The following CC2D2A variants were observed in gnomAD, a reference collection of about 807,000 sequenced individuals.
CC2D2A encodes the protein coiled-coil and C2 domain-containing protein 2A.
In CC2D2A, 155 loss-of-function variants were observed where a neutral mutation model predicts 212.9. That is an observed-to-expected ratio of 0.73 (90% confidence interval 0.64 to 0.83). CC2D2A has a LOEUF of 0.83. CC2D2A is among the 40% of genes least tolerant of loss of function. The pLI is 0.00. For synonymous variants in CC2D2A, 667 were observed against 686.5 expected (o/e 0.97, Z 0.44); for missense variants, 1,856 against 1,956.2 (o/e 0.95, Z 0.97).
chr4:15,485,738 G>C (rs116755101), intron 4 of CC2D2A, among the ~76,000 whole-genome samples: 1 of 151,984 alleles, frequency 6.6e-6, no homozygotes, highest in East Asian at 1.9e-4. Context: ...GAGCATTTTT[G>C]CGTATACCTG....
Position 15,574,178 on chromosome 4 carries a change from C to G in CC2D2A, c.3623C>G (p.Pro1208Arg). 6.5e-7 allele frequency: 1 copy of G among 1,548,510 alleles called. No individual in the cohort carries two copies. Among genetic ancestry groups the G allele is most frequent in the East Asian group, 2.4e-5 (1 of 40,850 alleles). Residue 1208 changes from proline to arginine, a missense_variant, in exon 29 of 37, where the codon CCC becomes CGC. This residue lies in a region of CC2D2A where 1,512 missense variants were observed against 1,579.3 expected (regional missense o/e 0.96). Coordinates refer to ENST00000424120, the MANE Select transcript of CC2D2A (RefSeq NM_001378615.1). ...GATGGAACATTTAAAATAGATATTC[C>G]CCCAGTTCTTCTGGGCTACAGTAAG... is the stretch of plus-strand genomic sequence containing the variant. ...RIDGTFKIDI[P>R]PVLLGYSKER... is the part of the protein sequence containing the mutation.
At chr4:15,534,393 T>C (rs1006315009) in intron 14 of CC2D2A, among the ~76,000 whole-genome samples, 7 of 152,248 alleles carry the variant, frequency 4.6e-5, no homozygotes, top group South Asian at 4.1e-4. Flanking sequence ...CTGAGTCATA[T>C]AGATATTCTA....
chr4:15,538,664 T>A (rs924681495), intron 16 of CC2D2A, among the ~76,000 whole-genome samples: 3 of 152,218 alleles, frequency 2.0e-5, no homozygotes, highest in African/African-American at 7.2e-5. Context: ...CCTCCAGATA[T>A]GATAAAAATA....
Position 15,597,376 on chromosome 4 carries a change from T to C in CC2D2A, c.4438-31T>C, listed in dbSNP as rs147005127. 696 of 1,501,162 alleles carry C rather than the reference T, an allele frequency of 4.6e-4. 6 individuals carry two copies. The East Asian group carries it at 9.2e-3, about 20-fold the overall frequency. The allele number at this position is 1,501,162 out of a possible 1,614,324, so 93.0% of individuals were successfully genotyped here. A position where few individuals can be genotyped will look rare whatever the true frequency, so the allele number is the denominator to read the frequency against. On this transcript the variant is annotated intron_variant, in intron 34 of 36. Transcript: ENST00000424120. ...GTTCAAATTAACTGTAGGTGATTTT[T>C]ATACTTTCTGAACTATTTTCTCTTC...
chr4:15,514,625 T>G, intron 8 of CC2D2A, 82 bp from the exon 9 acceptor site: 3 of 1,068,136 alleles, frequency 2.8e-6, no homozygotes, highest in Non-Finnish European at 3.9e-6. Context: ...ATGTTAAGTT[T>G]CATGAGTTTG....
chr4:15,578,350 G>T (rs991172103), intron 29 of CC2D2A, among the ~76,000 whole-genome samples: 1 of 152,194 alleles, frequency 6.6e-6, no homozygotes, highest in African/African-American at 2.4e-5. Context: ...ATCTGGAATA[G>T]AAGCCACAGT....
In CC2D2A at chr4:15,599,680, C is replaced by T. The variant is rs199861496; in HGVS notation, c.4648C>T (p.Leu1550=). ...TGTAGAAGATGACCACAGAGCAGAACTGCTAAAACAGCTGGGAGACTACAG... is the reference window on the plus strand; with the variant it reads ...TGTAGAAGATGACCACAGAGCAGAATTGCTAAAACAGCTGGGAGACTACAG... ...EDVEDDHRAE[L]LKQLGDYRFS... is the part of the protein sequence containing the mutation. The change falls in exon 36 of 37, where the codon CTG becomes TTG. Residue 1550 remains leucine (L), a synonymous_variant. Transcript: ENST00000424120. 9.4e-5 allele frequency: 151 copies of T among 1,612,206 alleles called. No homozygotes were observed. The African/African-American group carries it at 1.7e-3, about 19-fold the overall frequency.
Position 15,555,136 on chromosome 4 carries a change from T to C in CC2D2A, c.2551T>C (p.Leu851=), listed in dbSNP as rs1173794822. The change falls in exon 20 of 37, where the codon TTG becomes CTG. Residue 851 remains leucine, a synonymous_variant. Transcript: ENST00000424120. Reference sequence around the variant, plus strand: ...ATCAGGACTGACAGACATGAAAAAATTGGCCAAGTGGGCAGCAGAGTCCAA... The same window carrying C: ...ATCAGGACTGACAGACATGAAAAAACTGGCCAAGTGGGCAGCAGAGTCCAA... ...GTSGLTDMKK[L]AKWAAESKLD... is the part of the protein sequence containing the mutation. 2.0e-5 allele frequency: 32 copies of C among 1,613,662 alleles called. No individual in the cohort carries two copies. Among genetic ancestry groups the C allele is most frequent in the Non-Finnish European group, 2.7e-5 (32 of 1,179,780 alleles).
At chr4:15,483,471 C>T (rs532098310) in intron 4 of CC2D2A, among the ~76,000 whole-genome samples, 1 of 152,174 alleles carries the variant, frequency 6.6e-6, no homozygotes, top group Non-Finnish European at 1.5e-5. Flanking sequence ...ACCTATCAGT[C>T]CTTTCGACAT....
chr4:15,486,723 T>C (rs1240387673), intron 4 of CC2D2A, among the ~76,000 whole-genome samples: 1 of 152,010 alleles, frequency 6.6e-6, no homozygotes, highest in African/African-American at 2.4e-5. Flanking sequence ...TGATTTTCTG[T>C]TTCTTTAAGA....
chr4:15,556,786 G>C (rs938089123), intron 20 of CC2D2A, among the ~76,000 whole-genome samples: 1 of 152,208 alleles, frequency 6.6e-6, no homozygotes, highest in African/African-American at 2.4e-5. Flanking sequence ...AGGCTGGCTG[G>C]GCTGGATCCA....
At chr4:15,530,973 T>C (rs1197677979) in intron 13 of CC2D2A, among the ~76,000 whole-genome samples, 1 of 152,214 alleles carries the variant, frequency 6.6e-6, no homozygotes, top group East Asian at 1.9e-4. Context: ...TGAATGGTCA[T>C]GCAACATAGG....
chr4:15,549,214 G>C (rs564867688), intron 17 of CC2D2A, among the ~76,000 whole-genome samples: 4 of 152,140 alleles, frequency 2.6e-5, no homozygotes, highest in African/African-American at 9.7e-5. Flanking sequence ...TGCATTATAT[G>C]TGTTTGAAAT....
intron 33 of CC2D2A, among the ~76,000 whole-genome samples, chr4:15,590,643 C>G (rs113874712): frequency 3.9e-5 from 6 of 152,284 alleles, no homozygotes; most frequent in African/African-American, 1.4e-4. Flanking sequence ...ATGGAGGTAA[C>G]AGTAAAGTCA....
intron 26 of CC2D2A, 58 bp from the exon 27 acceptor site, chr4:15,569,235 T>A: frequency 1.1e-6 from 1 of 903,392 alleles, no homozygotes; most frequent in Non-Finnish European, 1.8e-6. Context: ...GACATTTGAA[T>A]GCTCATAATT....
In CC2D2A at chr4:15,489,218, T is replaced by C. The variant is rs182662831; in HGVS notation, c.247+8391T>C. Among the ~76,000 whole-genome samples the C allele has an allele frequency of 2.1e-3, 324 of 152,316 alleles. 3 individuals are homozygous for C. The highest frequency in any genetic ancestry group is 7.3e-3 in the African/African-American group (304 of 41,566). ...CAAATGAAAGGAAATAAAGTGTTTA[T>C]TTTAGGCATACTTTTTAAAAGTCAT... On this transcript the variant is annotated intron_variant, in intron 4 of 36. Coordinates refer to ENST00000424120, the MANE Select transcript of CC2D2A (RefSeq NM_001378615.1).
At chr4:15,541,173 G>T (rs1487861437) in intron 17 of CC2D2A, among the ~76,000 whole-genome samples, 159 bp downstream of exon 17, 3 of 151,800 alleles carry the variant, frequency 2.0e-5, no homozygotes, top group African/African-American at 7.3e-5. Context: ...AAAAAAATTA[G>T]CCAAGTGTGC....
chr4:15,594,266 C>T, intron 33 of CC2D2A, among the ~76,000 whole-genome samples: 1 of 152,142 alleles, frequency 6.6e-6, no homozygotes, highest in Non-Finnish European at 1.5e-5. Context: ...AACTTCCCTG[C>T]CTGCCTTAAA....
At chr4:15,486,703 G>T (rs1345455717) in intron 4 of CC2D2A, among the ~76,000 whole-genome samples, 1 of 151,710 alleles carries the variant, frequency 6.6e-6, no homozygotes, top group Non-Finnish European at 1.5e-5. Flanking sequence ...TTCGAGTTTT[G>T]ATGTGCTTTT....
Sources: gnomAD v4.1 joint callset for allele counts (sites outside exome capture counted in the v4.1 genomes callset) on GRCh38, gnomAD v4.1.1 for gene constraint, gnomAD v4.1.1 regional missense constraint, MANE v1.5 for transcripts, NCBI Gene and HGNC (gene_info 2026-07-23, HGNC 2026-07-21) for gene names.